Variants in EXD1 observed in about 807,000 individuals in gnomAD.
EXD1 encodes piRNA biogenesis protein EXD1.
Under a neutral mutation model 49.1 loss-of-function variants are expected in EXD1, and 63 were observed. That is an observed-to-expected ratio of 1.28 (90% CI 1.05 to 1.58). The LOEUF is 1.58. Ranked by LOEUF, EXD1 falls within the 40% of genes most tolerant of loss-of-function variation. EXD1 has a pLI of 0.00. For missense variants in EXD1, 748 were observed against 666.0 expected, an observed-to-expected ratio of 1.12 and a Z score of -1.36; for synonymous variants, 234 against 239.2, an observed-to-expected ratio of 0.98 and a Z score of 0.20.
At chr15:41,214,954 C>A (rs1223997043) in intron 6 of EXD1, among the ~76,000 whole-genome samples, 1 of 152,096 alleles carries the variant, frequency 6.6e-6, no homozygotes, top group Non-Finnish European at 1.5e-5. Context: ...ACCGTGTTAG[C>A]CAGGATGGTC....
intron 7 of EXD1, among the ~76,000 whole-genome samples, chr15:41,208,653 G>A (rs566938406): frequency 6.6e-6 from 1 of 152,100 alleles, no homozygotes; most frequent in Non-Finnish European, 1.5e-5. Flanking sequence ...CCAGGAGGCT[G>A]AGGCAGGAGA....
chr15:41,214,275 C>T (rs1038177250), intron 6 of EXD1, among the ~76,000 whole-genome samples: 26 of 152,106 alleles, frequency 1.7e-4, no homozygotes, highest in Non-Finnish European at 5.9e-5. Flanking sequence ...CTTTGGGAGG[C>T]GGAGATAGGC....
At chr15:41,188,268 G>C (rs2046447466) in intron 11 of EXD1, among the ~76,000 whole-genome samples, 1 of 151,822 alleles carries the variant, frequency 6.6e-6, no homozygotes. Context: ...TGGCCAGCGG[G>C]CTATAGTTTG....
rs1047867031 is a variant in EXD1, at chr15:41,209,490, A to G, written c.534+11T>C. 6.2e-7 allele frequency: 1 copy of G among 1,607,934 alleles called. No individual in the cohort carries two copies. Among genetic ancestry groups the G allele is most frequent in the South Asian group, 1.1e-5 (1 of 89,184 alleles). On this transcript the variant is annotated intron_variant, in intron 7 of 11. Transcript: ENST00000458580. ...TTACTTCAAAATAAAAAGTTTTCAA[A>G]AATCTTTCACCTGCAGCCAGCACAG...
rs1405244075 is a variant in EXD1, at chr15:41,196,043, A to G, written c.535-6T>C. 13 of 1,606,718 alleles carry G rather than the reference A, an allele frequency of 8.1e-6. No individual in the cohort carries two copies. Among genetic ancestry groups the G allele is most frequent in the Non-Finnish European group, 1.0e-5 (12 of 1,176,766 alleles). The stretch of plus-strand genomic sequence containing the variant: ...ACTCGGCAATTTGTGGCCACCTACA[A>G]TAGACCATCCAGACACACATACCAT... On this transcript the variant is annotated splice_region_variant and splice_polypyrimidine_tract_variant and intron_variant, in intron 7 of 11. Transcript: ENST00000458580.
intron 11 of EXD1, 85 bp downstream of exon 11, chr15:41,189,852 C>G (rs914386049): frequency 3.7e-6 from 5 of 1,357,830 alleles, no homozygotes; most frequent in African/African-American, 1.4e-5. Context: ...TGAAAACTAT[C>G]GCAGCTATGA....
rs759821677 is a variant in EXD1, at chr15:41,196,010, A to C, written c.562T>G (p.Phe188Val). Reference sequence around the variant, plus strand: ...CGACTTCCCAGAAGGAAAATGTCAAATAAGTAAACTCGGCAATTTGTGGCC... The same window carrying C: ...CGACTTCCCAGAAGGAAAATGTCAACTAAGTAAACTCGGCAATTTGTGGCC... ...QVATNCRVYL[F>V]DIFLLGSRAF... Residue 188 changes from phenylalanine to valine, a missense_variant, in exon 8 of 12, where the codon TTT (phenylalanine) becomes GTT (valine). Coordinates refer to ENST00000458580, the MANE Select transcript of EXD1 (RefSeq NM_001286441.2). The C allele has an allele frequency of 6.2e-7, 1 of 1,613,346 alleles. No homozygotes were observed. Among genetic ancestry groups the C allele is most frequent in the Non-Finnish European group, 8.5e-7 (1 of 1,179,814 alleles).
intron 4 of EXD1, 75 bp downstream of exon 4, chr15:41,217,022 A>C: frequency 7.2e-7 from 1 of 1,391,084 alleles, no homozygotes; most frequent in Non-Finnish European, 1.0e-6. Context: ...GCAGCTGGTG[A>C]ATTAGAGTTA....
chr15:41,218,182 A>G (rs1158783055), intron 3 of EXD1, among the ~76,000 whole-genome samples: 1 of 152,100 alleles, frequency 6.6e-6, no homozygotes, highest in Non-Finnish European at 1.5e-5. Flanking sequence ...CTGTGTCTCT[A>G]CTAAAAAAAT....
rs570058217 is a variant in EXD1, at chr15:41,190,746, A to G, written c.865-618T>C. 5.3e-5 allele frequency among the ~76,000 whole-genome samples: 8 copies of G among 152,286 alleles called. 1 individual carries two copies. The highest frequency in any genetic ancestry group is 3.9e-4 in the Admixed American group (6 of 15,280). ...TTGCAGCCAATACAATTATGACCTAAGTTTGCATGCAAGGATGTCAGAAGG... is the reference window on the plus strand; with the variant it reads ...TTGCAGCCAATACAATTATGACCTAGGTTTGCATGCAAGGATGTCAGAAGG... On this transcript the variant is annotated intron_variant, in intron 10 of 11. Coordinates refer to ENST00000458580, the MANE Select transcript of EXD1 (RefSeq NM_001286441.2).
rs2046362288 is a variant in EXD1, at chr15:41,183,986, C to A, written c.1664G>T (p.Cys555Phe). 7.4e-6 allele frequency: 12 copies of A among 1,613,090 alleles called. No individual in the cohort carries two copies. The highest frequency in any genetic ancestry group is 1.0e-5 in the Non-Finnish European group (12 of 1,179,512). The part of the protein sequence containing the change: ...RKTVVSTLPP[C>F]PALEKIDSWI... Reference sequence around the variant, plus strand: ...GGAATCGATCTTCTCCAAGGCTGGACAGGGAGGGAGTGTGGAAACCACAGT... The same window carrying A: ...GGAATCGATCTTCTCCAAGGCTGGAAAGGGAGGGAGTGTGGAAACCACAGT... The change falls in exon 12 of 12, where the codon TGT (cysteine) becomes TTT (phenylalanine). Residue 555 changes from cysteine to phenylalanine, a missense_variant. Coordinates refer to ENST00000458580, the MANE Select transcript of EXD1 (RefSeq NM_001286441.2).
chr15:41,196,405 C>T (rs1394948633), intron 7 of EXD1, among the ~76,000 whole-genome samples: 2 of 150,670 alleles, frequency 1.3e-5, no homozygotes, highest in East Asian at 3.9e-4. Context: ...CAGCCTCTGC[C>T]TCCTGGGTTC....
intron 7 of EXD1, among the ~76,000 whole-genome samples, chr15:41,201,020 C>T (rs1305117098): frequency 4.0e-5 from 6 of 151,716 alleles, no homozygotes; most frequent in Admixed American, 6.6e-5. Flanking sequence ...GTTACAGGTA[C>T]GTGCCACCAC....
intron 10 of EXD1, 86 bp from the exon 11 acceptor site, chr15:41,190,214 C>A: frequency 7.1e-7 from 1 of 1,403,670 alleles, no homozygotes; most frequent in Non-Finnish European, 1.0e-6. Flanking sequence ...GTGGCTCATG[C>A]CTGTAATCCC....
intron 7 of EXD1, among the ~76,000 whole-genome samples, chr15:41,202,467 G>T (rs550068913): frequency 6.6e-6 from 1 of 151,680 alleles, no homozygotes; most frequent in African/African-American, 2.4e-5. Context: ...GTGAGCCACC[G>T]CACCCAGCAT....
chr15:41,204,172 T>A lies in EXD1; in HGVS notation c.534+5329A>T, dbSNP rs1330213324. ...CTGAGGCAGGAGAATTGCTTGAACC[T>A]GGGAGGCGGAGGTTGCAGTGAGCCG... is the stretch of plus-strand genomic sequence containing the variant. On this transcript the variant is annotated intron_variant, in intron 7 of 11. Transcript: ENST00000458580. Among the ~76,000 whole-genome samples, 4 of 119,426 alleles carry A rather than the reference T, an allele frequency of 3.3e-5. No homozygotes were observed. The South Asian group carries it at 1.1e-3, about 32-fold the overall frequency. The allele number at this position is 119,426 out of a possible 152,430, so 78.3% of individuals were successfully genotyped here.
chr15:41,203,204 A>G (rs1259455704), intron 7 of EXD1, among the ~76,000 whole-genome samples: 2 of 152,126 alleles, frequency 1.3e-5, no homozygotes, highest in African/African-American at 4.8e-5. Flanking sequence ...GGAGCTGGAA[A>G]CAGGGGAATG....
At chr15:41,211,795 TAAAAAA>T (rs57945609) in intron 6 of EXD1, among the ~76,000 whole-genome samples, 1 of 119,612 alleles carries the variant, frequency 8.4e-6, no homozygotes, top group Non-Finnish European at 1.7e-5. Flanking sequence ...CCTCATTTCT[TAAAAAA>T]AAAAAAAAAA....
chr15:41,197,137 T>C (rs538801338), intron 7 of EXD1, among the ~76,000 whole-genome samples: 1 of 152,162 alleles, frequency 6.6e-6, no homozygotes, highest in African/African-American at 2.4e-5. Context: ...ATCTTCACTT[T>C]TAAATGATAG....
Sources: allele counts gnomAD v4.1 joint callset (sites outside exome capture counted in the v4.1 genomes callset), GRCh38; gene constraint gnomAD v4.1.1; transcripts MANE v1.5; gene names NCBI Gene and HGNC (gene_info 2026-07-23, HGNC 2026-07-21).